NCAM2: variants seen among roughly 807,000 people sequenced by gnomAD.
NCAM2 encodes neural cell adhesion molecule 2.
NCAM2 carries 30 observed loss-of-function variants against 98.1 expected under a neutral mutation model. That is an observed-to-expected ratio of 0.31 (90% CI 0.23 to 0.41). The LOEUF (loss-of-function observed/expected upper bound fraction) is 0.41, where lower values mean the gene tolerates loss of function less well. Among genes scored for constraint, NCAM2 ranks in the 10% least tolerant of loss-of-function variants. The pLI, the probability that NCAM2 is intolerant of heterozygous loss-of-function variation, is 1.00. For synonymous variants in NCAM2, 368 were observed against 342.4 expected, an observed-to-expected ratio of 1.07 and a Z score of -0.83; for missense variants, 867 against 1,005.8, an observed-to-expected ratio of 0.86 and a Z score of 1.87.
At chr21:21,310,737 C>G (rs35366430) in intron 5 of NCAM2, among the ~76,000 whole-genome samples, 1 of 151,890 alleles carries the variant, frequency 6.6e-6, no homozygotes, top group Admixed American at 6.6e-5. Flanking sequence ...TGAATTTTAA[C>G]GTATACATAG....
chr21:21,438,903 C>A (rs73214487), intron 12 of NCAM2, among the ~76,000 whole-genome samples: 20,939 of 151,794 alleles, frequency 0.14, 1,463 homozygotes, highest in Middle Eastern at 0.17. Flanking sequence ...GGCAACAAAG[C>A]AAGACCCCGT....
At chr21:21,513,820 AG>A (rs1446510093) in intron 16 of NCAM2, among the ~76,000 whole-genome samples, 3 of 152,140 alleles carry the variant, frequency 2.0e-5, no homozygotes, top group African/African-American at 4.8e-5. Flanking sequence ...CGATTTTATT[AG>A]GATCTTTCTC....
In NCAM2 at chr21:21,301,910, A is replaced by T. The variant is rs1202957786; in HGVS notation, c.619+9669A>T. 2.0e-5 allele frequency among the ~76,000 whole-genome samples: 3 copies of T among 146,602 alleles called. No individual in the cohort carries two copies. The East Asian group carries it at 6.1e-4, about 30-fold the overall frequency. ...AGAAATGCAAATCAAAACCACTATGAGATATCATCTCACACCAGTTAGAAT... is the reference window on the plus strand; with the variant it reads ...AGAAATGCAAATCAAAACCACTATGTGATATCATCTCACACCAGTTAGAAT... On this transcript the variant is annotated intron_variant, in intron 5 of 17. Transcript: ENST00000400546.
At chr21:21,207,813 A>G (rs963496792) in intron 1 of NCAM2, among the ~76,000 whole-genome samples, 1 of 152,194 alleles carries the variant, frequency 6.6e-6, no homozygotes, top group Non-Finnish European at 1.5e-5. Flanking sequence ...ACTCATATGC[A>G]TAAAAATTGG....
chr21:21,508,934 G>C lies in NCAM2; in HGVS notation c.2161G>C (p.Val721Leu). 1 of 1,607,656 alleles carries C rather than the reference G, an allele frequency of 6.2e-7. No individual in the cohort carries two copies. The highest frequency in any genetic ancestry group is 1.1e-5 in the South Asian group (1 of 90,886). The change falls in exon 16 of 18, where the codon GTC becomes CTC. Residue 721 changes from valine (V) to leucine (L), a missense_variant. Coordinates refer to ENST00000400546, the MANE Select transcript of NCAM2 (RefSeq NM_004540.5). ...ALLLILVVTD[V>L]SCFFIRQCGL... is the part of the protein sequence containing the mutation. ...GCTGCTAATTCTTGTGGTAACAGAC[G>C]TCAGCTGCTTCTTTATTCGGCAATG...
At chr21:21,125,397 T>A (rs913386069) in intron 1 of NCAM2, among the ~76,000 whole-genome samples, 16 of 143,746 alleles carry the variant, frequency 1.1e-4, no homozygotes, top group African/African-American at 4.1e-4. Flanking sequence ...TACATATATA[T>A]GTAATATATA....
At position 21,538,149 on chromosome 21, in the gene NCAM2, T is replaced by C. The variant is rs1990086303; in HGVS notation, c.*192T>C. 2 of 360,028 alleles carry C rather than the reference T, an allele frequency of 5.6e-6. No homozygotes were observed. The highest frequency in any genetic ancestry group is 4.3e-5 in the East Asian group (1 of 23,498). 22.3% of individuals were successfully genotyped at this position (360,028 alleles called of 1,614,324 possible). A position where few individuals can be genotyped will look rare whatever the true frequency, so the allele number is the denominator to read the frequency against. On this transcript the variant is annotated 3_prime_UTR_variant, in exon 18 of 18. Transcript: ENST00000400546. ...TTTGTTATTGTTGTTGTTGTTGCTG[T>C]TGTTGTTAATTTTGTTAAGAATTTC...
chr21:21,482,329 T>C (rs965376032), intron 15 of NCAM2, among the ~76,000 whole-genome samples: 2 of 152,148 alleles, frequency 1.3e-5, no homozygotes, highest in Non-Finnish European at 2.9e-5. Flanking sequence ...ATCATATAAT[T>C]TTATAACATT....
At chr21:21,254,949 ATGTG>A (rs58330278) in intron 1 of NCAM2, among the ~76,000 whole-genome samples, 16,041 of 148,154 alleles carry the variant, frequency 0.11, 1,557 homozygotes, top group East Asian at 0.33. Flanking sequence ...TAGCATATCT[ATGTG>A]TGTGTGTGTG....
At chr21:21,495,637 C>G (rs541271024) in intron 15 of NCAM2, among the ~76,000 whole-genome samples, 133 of 152,096 alleles carry the variant, frequency 8.7e-4, no homozygotes, top group Middle Eastern at 3.4e-3. Context: ...TAACAGCATC[C>G]TTCACCACTA....
At chr21:21,014,405 T>C (rs8130585) in intron 1 of NCAM2, among the ~76,000 whole-genome samples, 84,348 of 148,392 alleles carry the variant, frequency 0.57, 24,338 homozygotes, top group East Asian at 0.82. Flanking sequence ...GCCTGGGCAA[T>C]GGAGTGAGAC....
chr21:21,475,707 T>A (rs1443106452), intron 14 of NCAM2, among the ~76,000 whole-genome samples: 1 of 152,174 alleles, frequency 6.6e-6, no homozygotes, highest in African/African-American at 2.4e-5. Flanking sequence ...GTTTCAAAAA[T>A]CAAGGCAAGT....
At chr21:21,229,094 T>C (rs1379139082) in intron 1 of NCAM2, among the ~76,000 whole-genome samples, 1 of 151,556 alleles carries the variant, frequency 6.6e-6, no homozygotes, top group East Asian at 1.9e-4. Context: ...CTTCTTCCAT[T>C]ATTTTCTCTA....
intron 17 of NCAM2, among the ~76,000 whole-genome samples, chr21:21,536,067 T>C (rs1045200651): frequency 6.6e-6 from 1 of 152,156 alleles, no homozygotes; most frequent in Non-Finnish European, 1.5e-5. Flanking sequence ...TATGACCTTG[T>C]ATTGTCAATA....
intron 1 of NCAM2, among the ~76,000 whole-genome samples, chr21:21,247,059 C>T (rs1396434353): frequency 6.6e-6 from 1 of 151,946 alleles, no homozygotes; most frequent in African/African-American, 2.4e-5. Flanking sequence ...TTGGCTCACG[C>T]CTGTAATCCC....
At chr21:21,486,303 C>CAAAAAAAA (rs67182493) in intron 15 of NCAM2, among the ~76,000 whole-genome samples, 12 of 52,256 alleles carry the variant, frequency 2.3e-4, no homozygotes, top group African/African-American at 9.3e-4. Flanking sequence ...GACTCCGTCT[C>CAAAAAAAA]AAAAAAAAAA....
intron 8 of NCAM2, among the ~76,000 whole-genome samples, chr21:21,357,394 T>C (rs1026276661): frequency 1.3e-5 from 2 of 152,158 alleles, no homozygotes; most frequent in African/African-American, 4.8e-5. Flanking sequence ...TGGAAGCATC[T>C]TTATATTATA....
chr21:21,528,837 G>A (rs949836127), intron 16 of NCAM2, among the ~76,000 whole-genome samples: 1 of 151,454 alleles, frequency 6.6e-6, no homozygotes, highest in African/African-American at 2.4e-5. Context: ...GAAACAAGAA[G>A]AATCATAGAT....
At chr21:21,177,671 TC>T (rs1454489089) in intron 1 of NCAM2, among the ~76,000 whole-genome samples, 1 of 151,958 alleles carries the variant, frequency 6.6e-6, no homozygotes, top group Non-Finnish European at 1.5e-5. Flanking sequence ...TAACATGTGT[TC>T]CTTTCCCTTT....
Sources: gnomAD v4.1 joint callset for allele counts (sites outside exome capture counted in the v4.1 genomes callset) on GRCh38, gnomAD v4.1.1 for gene constraint, MANE v1.5 for transcripts, NCBI Gene and HGNC (gene_info 2026-07-23, HGNC 2026-07-21) for gene names.